The following CERS6 variants were observed in gnomAD, a reference collection of about 807,000 sequenced individuals.
CERS6 encodes the protein ceramide synthase 6.
Under a neutral mutation model 56.8 loss-of-function variants are expected in CERS6, and 26 were observed. That is an observed-to-expected ratio of 0.46 (90% CI 0.34 to 0.63). CERS6 has a LOEUF of 0.63. Ranked by LOEUF, CERS6 falls within the 30% of genes least tolerant of loss-of-function variation. The pLI is 0.01. For synonymous variants in CERS6, 164 were observed against 173.3 expected, an observed-to-expected ratio of 0.95 and a Z score of 0.42; for missense variants, 415 against 467.5, an observed-to-expected ratio of 0.89 and a Z score of 1.04.
chr2:168,631,729 T>G (rs1394173570), intron 4 of CERS6, among the ~76,000 whole-genome samples: 1 of 120,936 alleles, frequency 8.3e-6, no homozygotes, highest in Non-Finnish European at 1.6e-5. Flanking sequence ...ATATTTATAT[T>G]ATATATAACA....
intron 4 of CERS6, among the ~76,000 whole-genome samples, chr2:168,669,292 G>C (rs1262637542): frequency 1.3e-5 from 2 of 152,182 alleles, no homozygotes; most frequent in Admixed American, 1.3e-4. Context: ...GGAAAAGGTA[G>C]ATAGCTAAAA....
rs552802360 is a variant in CERS6 at position 168,561,107 on chromosome 2, C to A, written c.277-85C>A. On this transcript the variant is annotated intron_variant, in intron 2 of 9. Coordinates refer to ENST00000305747, the MANE Select transcript of CERS6 (RefSeq NM_203463.3). ...TAGTAAACAATAGGGGGAAAAAAAC[C>A]TCTCAGATATAGACAAGGGCAGATC... The A allele has an allele frequency of 1.8e-4, 265 of 1,436,472 alleles. 4 individuals are homozygous for A. The highest frequency in any genetic ancestry group is 1.6e-3 in the South Asian group (126 of 78,650). The allele number at this position is 1,436,472 out of a possible 1,614,324, so 89.0% of individuals were successfully genotyped here.
intron 6 of CERS6, among the ~76,000 whole-genome samples, chr2:168,709,252 C>G (rs1423411891): frequency 1.3e-5 from 2 of 152,098 alleles, no homozygotes; most frequent in African/African-American, 4.8e-5. Flanking sequence ...CTACACAGAA[C>G]AGACTAAGAA....
chr2:168,656,808 C>G (rs1445974800), intron 4 of CERS6, among the ~76,000 whole-genome samples: 2 of 152,206 alleles, frequency 1.3e-5, no homozygotes, highest in African/African-American at 2.4e-5. Flanking sequence ...CACCCACATC[C>G]TGCTGATTGG....
chr2:168,607,996 A>C (rs1465413877), intron 3 of CERS6, among the ~76,000 whole-genome samples: 2 of 152,200 alleles, frequency 1.3e-5, no homozygotes, highest in African/African-American at 2.4e-5. Flanking sequence ...TTGTGAGCTG[A>C]GTTCCCTGTG....
chr2:168,742,111 G>T (rs1296519164), intron 8 of CERS6, among the ~76,000 whole-genome samples: 2 of 152,200 alleles, frequency 1.3e-5, no homozygotes, highest in Non-Finnish European at 2.9e-5. Flanking sequence ...TGGTGTTGCA[G>T]TTTGCTTCAG....
At chr2:168,472,729 A>G (rs116622464) in intron 1 of CERS6, among the ~76,000 whole-genome samples, 2,605 of 152,288 alleles carry the variant, frequency 0.017, 39 homozygotes, top group South Asian at 0.048. Context: ...ACAAAAATAC[A>G]GTATCTTTAC....
chr2:168,511,827 A>C (rs1312606182), intron 1 of CERS6, among the ~76,000 whole-genome samples: 3 of 152,160 alleles, frequency 2.0e-5, no homozygotes, highest in Non-Finnish European at 4.4e-5. Flanking sequence ...TAGTGTAACC[A>C]CCACCATAAT....
chr2:168,627,553 T>C (rs1010543746), intron 3 of CERS6, among the ~76,000 whole-genome samples: 1 of 152,082 alleles, frequency 6.6e-6, no homozygotes, highest in Admixed American at 6.6e-5. Flanking sequence ...ACCAACTGGG[T>C]ATTTGTTCTT....
chr2:168,467,849 T>C (rs1447170060), intron 1 of CERS6, among the ~76,000 whole-genome samples: 1 of 152,148 alleles, frequency 6.6e-6, no homozygotes, highest in African/African-American at 2.4e-5. Context: ...TTTTCTAAAA[T>C]AAAATAAATG....
intron 8 of CERS6, among the ~76,000 whole-genome samples, chr2:168,737,277 G>T (rs889224223): frequency 3.9e-5 from 6 of 152,198 alleles, no homozygotes; most frequent in Non-Finnish European, 5.9e-5. Flanking sequence ...TCAATTAAGT[G>T]CCTCCCAGGA....
At chr2:168,484,484 G>GT (rs148139443) in intron 1 of CERS6, among the ~76,000 whole-genome samples, 20,134 of 148,730 alleles carry the variant, frequency 0.14, 1,645 homozygotes, top group Non-Finnish European at 0.18. Context: ...GCTTCGCTTT[G>GT]TTTTTTTTTT....
intron 8 of CERS6, among the ~76,000 whole-genome samples, chr2:168,723,998 C>A (rs1163092940): frequency 2.0e-5 from 3 of 152,208 alleles, no homozygotes; most frequent in Non-Finnish European, 4.4e-5. Flanking sequence ...GTAGGAATTC[C>A]TTCCTAATGT....
chr2:168,536,760 CAT>C (rs1695271256), intron 1 of CERS6, among the ~76,000 whole-genome samples: 1 of 151,762 alleles, frequency 6.6e-6, no homozygotes, highest in Non-Finnish European at 1.5e-5. Context: ...GATCTGGTAG[CAT>C]GTGGGGGAGG....
intron 4 of CERS6, among the ~76,000 whole-genome samples, chr2:168,640,320 A>G (rs6433080): frequency 0.3 from 45,589 of 152,102 alleles, 7,778 homozygotes; most frequent in African/African-American, 0.46. Flanking sequence ...TGCTGAATGG[A>G]AATGTGGGCA....
rs371155080 is a variant in CERS6 at position 168,599,360 on chromosome 2, AGTTT to A, written c.408-31620_408-31617del. Among the ~76,000 whole-genome samples, 266 of 152,250 alleles carry A rather than the reference AGTTT, an allele frequency of 1.7e-3. 1 individual carries two copies. Among genetic ancestry groups the A allele is most frequent in the African/African-American group, 6.1e-3 (255 of 41,546 alleles). On this transcript the variant is annotated intron_variant, in intron 3 of 9. Coordinates refer to ENST00000305747, the MANE Select transcript of CERS6 (RefSeq NM_203463.3). ...TGATTATCCTAGAAATGCTTCCCATAGTTTGTTTCTTTTTGAAGAAGGGCAGTAA... is the reference window on the plus strand; with the variant it reads ...TGATTATCCTAGAAATGCTTCCCATAGTTTCTTTTTGAAGAAGGGCAGTAA...
intron 3 of CERS6, among the ~76,000 whole-genome samples, chr2:168,607,373 T>C (rs1438422637): frequency 1.3e-5 from 2 of 152,150 alleles, no homozygotes; most frequent in Admixed American, 1.3e-4. Flanking sequence ...AAAACTAGTA[T>C]ATCTTTTTTT....
chr2:168,653,085 C>T (rs551666663), intron 4 of CERS6, among the ~76,000 whole-genome samples: 20 of 152,178 alleles, frequency 1.3e-4, no homozygotes, highest in African/African-American at 4.8e-4. Context: ...CTTATCAGGT[C>T]ATTGGAAGTA....
At chr2:168,720,444 G>T (rs915546827) in intron 8 of CERS6, among the ~76,000 whole-genome samples, 3 of 152,128 alleles carry the variant, frequency 2.0e-5, no homozygotes, top group African/African-American at 7.2e-5. Context: ...ACAGTAACCA[G>T]ATTCGACACA....
Sources: gnomAD v4.1 joint callset for allele counts (sites outside exome capture counted in the v4.1 genomes callset) on GRCh38, gnomAD v4.1.1 for gene constraint, MANE v1.5 for transcripts, NCBI Gene and HGNC (gene_info 2026-07-23, HGNC 2026-07-21) for gene names.